Variants in ADAM12 observed in about 807,000 individuals in gnomAD.
ADAM12 encodes ADAM metallopeptidase domain 12.
A neutral mutation model predicts 106.4 loss-of-function variants in ADAM12; 70 were observed. That is an observed-to-expected ratio of 0.66 (90% CI 0.54 to 0.80). The LOEUF (loss-of-function observed/expected upper bound fraction) is 0.80. Ranked by LOEUF, ADAM12 falls within the 30% of genes least tolerant of loss-of-function variation. The probability of loss-of-function intolerance (pLI) is 0.00; values close to 1 mark genes in which losing one functional copy is unlikely to be tolerated. For synonymous variants in ADAM12, 420 were observed against 433.5 expected (o/e 0.97, Z 0.39); for missense variants, 1,010 against 1,171.9 (o/e 0.86, Z 2.02).
chr10:126,142,171 G>A (rs889541157), intron 4 of ADAM12, among the ~76,000 whole-genome samples: 1 of 152,150 alleles, frequency 6.6e-6, no homozygotes, highest in African/African-American at 2.4e-5. Flanking sequence ...GACCAGCTCG[G>A]TCAGGGAGAC....
intron 11 of ADAM12, among the ~76,000 whole-genome samples, chr10:126,085,184 G>C (rs1955313250): frequency 6.6e-6 from 1 of 152,196 alleles, no homozygotes; most frequent in South Asian, 2.1e-4. Flanking sequence ...CAGAAAAGCA[G>C]TGGACTCTGC....
chr10:126,033,853 A>G (rs7920091), intron 21 of ADAM12, among the ~76,000 whole-genome samples: 38,992 of 152,164 alleles, frequency 0.26, 5,365 homozygotes, highest in East Asian at 0.43. Context: ...GTCAACGCAG[A>G]ATTCTATATC....
At position 126,055,503 on chromosome 10, in the gene ADAM12, A is replaced by G. The variant is rs180881377; in HGVS notation, c.1610-5834T>C. Among the ~76,000 whole-genome samples, 13 of 152,276 alleles carry G rather than the reference A, an allele frequency of 8.5e-5. No individual in the cohort carries two copies. In the East Asian group the frequency reaches 2.3e-3, roughly 27 times the overall value. On this transcript the variant is annotated intron_variant, in intron 14 of 22. Transcript: ENST00000448723. The stretch of plus-strand genomic sequence containing the variant: ...GGTATCATCTTTGATCCTTATAGCC[A>G]CCCTGTAAGGTCTACATTCTCCCCA...
At chr10:126,186,412 A>T (rs1957400598) in intron 3 of ADAM12, among the ~76,000 whole-genome samples, 1 of 152,242 alleles carries the variant, frequency 6.6e-6, no homozygotes, top group Non-Finnish European at 1.5e-5. Context: ...TAATCTGAAT[A>T]GAAGAGCTTT....
chr10:126,103,722 T>C (rs376374682), intron 8 of ADAM12, among the ~76,000 whole-genome samples: 34 of 152,322 alleles, frequency 2.2e-4, no homozygotes, highest in East Asian at 1.9e-3. Context: ...GCTGTACAAA[T>C]GGAGCTTGGC....
At chr10:126,226,902 A>T (rs1254585672) in intron 3 of ADAM12, among the ~76,000 whole-genome samples, 1 of 152,194 alleles carries the variant, frequency 6.6e-6, no homozygotes. Context: ...TGGAAATATG[A>T]ACATATATAC....
chr10:126,352,097 AC>A (rs982912077), intron 1 of ADAM12, among the ~76,000 whole-genome samples: 3 of 152,124 alleles, frequency 2.0e-5, no homozygotes, highest in Non-Finnish European at 4.4e-5. Context: ...CGGTGCTGAC[AC>A]TTAACATAAG....
intron 1 of ADAM12, among the ~76,000 whole-genome samples, chr10:126,366,900 A>C (rs946179966): frequency 6.6e-6 from 1 of 152,144 alleles, no homozygotes; most frequent in Non-Finnish European, 1.5e-5. Context: ...GATGTGTATA[A>C]ACCTAAAAAG....
chr10:126,151,294 C>T (rs1047099855), intron 4 of ADAM12, among the ~76,000 whole-genome samples: 4 of 152,158 alleles, frequency 2.6e-5, no homozygotes, highest in Non-Finnish European at 5.9e-5. Context: ...GGATAGATAG[C>T]ATTCTCCACT....
At chr10:126,209,205 G>A (rs1957854961) in intron 3 of ADAM12, among the ~76,000 whole-genome samples, 2 of 152,342 alleles carry the variant, frequency 1.3e-5, no homozygotes, top group South Asian at 4.1e-4. Flanking sequence ...TCCAGAAAAT[G>A]TAGACTGTTC....
intron 3 of ADAM12, among the ~76,000 whole-genome samples, chr10:126,240,891 C>G (rs1958509412): frequency 6.6e-6 from 1 of 152,220 alleles, no homozygotes; most frequent in Non-Finnish European, 1.5e-5. Context: ...AGGTATCTAC[C>G]CTGCAGCGAA....
At chr10:126,116,457 AAGAC>A (rs1410809417) in intron 6 of ADAM12, among the ~76,000 whole-genome samples, 2 of 152,152 alleles carry the variant, frequency 1.3e-5, no homozygotes, top group African/African-American at 4.8e-5. Flanking sequence ...ATCCACCACT[AAGAC>A]AGGTTGCGGG....
At chr10:126,343,516 T>A (rs928371730) in intron 1 of ADAM12, among the ~76,000 whole-genome samples, 2 of 152,206 alleles carry the variant, frequency 1.3e-5, no homozygotes, top group Admixed American at 1.3e-4. Flanking sequence ...TATAGCAGCA[T>A]GATTTATAAT....
intron 1 of ADAM12, among the ~76,000 whole-genome samples, chr10:126,332,851 A>C (rs957531416): frequency 6.6e-6 from 1 of 152,198 alleles, no homozygotes; most frequent in Admixed American, 6.5e-5. Context: ...TCAGGACCCC[A>C]CGGGATTCAC....
chr10:126,138,377 T>C (rs1313936438), intron 4 of ADAM12, among the ~76,000 whole-genome samples: 2 of 152,218 alleles, frequency 1.3e-5, no homozygotes, highest in Non-Finnish European at 2.9e-5. Context: ...TTTTATTTTA[T>C]TTATTTATTT....
At chr10:126,216,009 C>T (rs1013476885) in intron 3 of ADAM12, among the ~76,000 whole-genome samples, 1 of 152,186 alleles carries the variant, frequency 6.6e-6, no homozygotes, top group African/African-American at 2.4e-5. Context: ...GCAATATTCC[C>T]TTTCCCCAAG....
chr10:126,123,689 C>G (rs1956151920), intron 5 of ADAM12, among the ~76,000 whole-genome samples: 3 of 152,206 alleles, frequency 2.0e-5, no homozygotes, highest in Non-Finnish European at 4.4e-5. Flanking sequence ...AGCTGGGGAC[C>G]CAGGCGGGAC....
At chr10:126,132,539 A>G (rs1956326900) in intron 5 of ADAM12, among the ~76,000 whole-genome samples, 2 of 121,478 alleles carry the variant, frequency 1.6e-5, no homozygotes, top group South Asian at 6.6e-4. Flanking sequence ...CCCCCCCTCA[A>G]CTAGTCCAGT....
intron 4 of ADAM12, among the ~76,000 whole-genome samples, chr10:126,154,190 C>A (rs939877490): frequency 6.6e-6 from 1 of 152,204 alleles, no homozygotes. Context: ...CTTTGGGGAG[C>A]CCCAACTCAC....
Sources: allele counts gnomAD v4.1 joint callset (sites outside exome capture counted in the v4.1 genomes callset), GRCh38; gene constraint gnomAD v4.1.1; transcripts MANE v1.5; gene names NCBI Gene and HGNC (gene_info 2026-07-23, HGNC 2026-07-21).